ZNF516: variants seen among roughly 807,000 people sequenced by gnomAD.
ZNF516 encodes the protein zinc finger protein 516.
In ZNF516, 19 loss-of-function variants were observed where a neutral mutation model predicts 79.7. That is an observed-to-expected ratio of 0.24 (90% confidence interval 0.17 to 0.35). The LOEUF (loss-of-function observed/expected upper bound fraction) is 0.35, where lower values mean the gene tolerates loss of function less well. ZNF516 is among the 10% of genes least tolerant of loss of function. The pLI, the probability that ZNF516 is intolerant of heterozygous loss-of-function variation, is 1.00. For missense variants in ZNF516, 1,678 were observed against 1,679.5 expected (o/e 1.00, Z 0.02); for synonymous variants, 877 against 739.5 (o/e 1.19, Z -3.02).
At chr18:76,443,917 A>T (rs1170028337) in intron 2 of ZNF516, among the ~76,000 whole-genome samples, 1 of 152,178 alleles carries the variant, frequency 6.6e-6, no homozygotes, top group Non-Finnish European at 1.5e-5. Flanking sequence ...CATGGCCGCC[A>T]CCTACATGCC....
At chr18:76,485,803 C>T (rs1450347165) in intron 1 of ZNF516, among the ~76,000 whole-genome samples, 1 of 151,000 alleles carries the variant, frequency 6.6e-6, no homozygotes, top group African/African-American at 2.4e-5. Context: ...ATTCCAGGGC[C>T]GCACCACAGA....
chr18:76,441,365 A>C lies in ZNF516; in HGVS notation c.1690T>G (p.Ser564Ala), dbSNP rs1421399667. 1 of 1,611,254 alleles carries C rather than the reference A, an allele frequency of 6.2e-7. No homozygotes were observed. Among genetic ancestry groups the C allele is most frequent in the Admixed American group, 1.7e-5 (1 of 59,942 alleles). ...CCAGGGCTGCTGGGCTGGGAGGCCG[A>C]GTCACCCTCACTGAGTGATCCGCAG... is the stretch of plus-strand genomic sequence containing the variant. Reference protein sequence around the residue: ...ARCGSLSEGDSASQPSSPGSA... With the variant: ...ARCGSLSEGDAASQPSSPGSA... Residue 564 changes from serine to alanine, a missense_variant, in exon 3 of 7, where the codon TCG becomes GCG. Transcript: ENST00000443185.
Position 76,441,879 on chromosome 18 carries a change from C to G in ZNF516, c.1176G>C (p.Ser392=). The G allele has an allele frequency of 6.3e-7, 1 of 1,588,912 alleles. No individual in the cohort carries two copies. The highest frequency in any genetic ancestry group is 8.5e-7 in the Non-Finnish European group (1 of 1,173,214). The stretch of plus-strand genomic sequence containing the variant: ...TGCCAGGGCACGAGTCGCCGGCCGC[C>G]GACGGCCTCAGGTTCAGGCACTGGA... The part of the protein sequence containing the change: ...FFLQCLNLRP[S]AAGDSCPGTQ... The change falls in exon 3 of 7, where the codon TCG becomes TCC. Residue 392 remains serine, a synonymous_variant. Transcript: ENST00000443185.
intron 6 of ZNF516, among the ~76,000 whole-genome samples, chr18:76,365,161 T>C (rs1416706214): frequency 6.6e-6 from 1 of 152,258 alleles, no homozygotes; most frequent in Non-Finnish European, 1.5e-5. Context: ...TGTTTTTTCA[T>C]TTCCTGTTAT....
intron 3 of ZNF516, among the ~76,000 whole-genome samples, chr18:76,429,058 TC>T (rs2075630161): frequency 6.6e-6 from 1 of 152,046 alleles, no homozygotes; most frequent in African/African-American, 2.4e-5. Context: ...GGGCCTTGCC[TC>T]CCCCTCTCCC....
At chr18:76,460,010 G>C (rs1248607034) in intron 2 of ZNF516, among the ~76,000 whole-genome samples, 1 of 152,188 alleles carries the variant, frequency 6.6e-6, no homozygotes, top group Non-Finnish European at 1.5e-5. Flanking sequence ...ATACGCCAAG[G>C]AATGCTTCCA....
chr18:76,441,959 G>T lies in ZNF516; in HGVS notation c.1096C>A (p.Arg366Ser), dbSNP rs745591863. The T allele has an allele frequency of 1.2e-6, 2 of 1,612,150 alleles. No individual in the cohort carries two copies. Among genetic ancestry groups the T allele is most frequent in the Non-Finnish European group, 8.5e-7 (1 of 1,179,632 alleles). Residue 366 changes from arginine to serine, a missense_variant, in exon 3 of 7, where the codon CGC becomes AGC. Physicochemically the swap from Arg to Ser is moderately radical, Grantham distance 110. Around this residue, in one of 5 missense-constraint regions of ZNF516, gnomAD observed 1,294 missense variants for 1,248.3 expected, o/e 1.04. Coordinates refer to ENST00000443185, the MANE Select transcript of ZNF516 (RefSeq NM_014643.4). ...TCCGCCCCCTCCTCGGCCGGGGCGC[G>T]CGTGCGGCTGGCCTCGACTCTGCGG... The part of the protein sequence containing the change: ...IHRRVEASRT[R>S]APAEEGAEGP...
intron 3 of ZNF516, among the ~76,000 whole-genome samples, chr18:76,408,337 G>A (rs902938584): frequency 3.3e-5 from 5 of 152,192 alleles, no homozygotes; most frequent in African/African-American, 1.2e-4. Context: ...AGGCTGGTGT[G>A]GACAGCAAGC....
chr18:76,444,234 C>T (rs922764410), intron 2 of ZNF516, among the ~76,000 whole-genome samples: 9 of 152,298 alleles, frequency 5.9e-5, no homozygotes, highest in Non-Finnish European at 1.2e-4. Flanking sequence ...TCTGAGTGTT[C>T]AAGAGGGAGG....
At chr18:76,383,775 G>C (rs549885180) in intron 3 of ZNF516, among the ~76,000 whole-genome samples, 1 of 152,358 alleles carries the variant, frequency 6.6e-6, no homozygotes, top group Admixed American at 6.5e-5. Flanking sequence ...TTGGTGTACA[G>C]AGAGGCGCAG....
In ZNF516 at chr18:76,451,300, C is replaced by T. The variant is rs1357447988; in HGVS notation, c.-157-8089G>A. On this transcript the variant is annotated intron_variant, in intron 2 of 6. Transcript: ENST00000443185. The surrounding 1 kb of genome is among the most constrained non-coding windows in gnomAD (Gnocchi z 6.0). ...TCCCCGTCTGCGTCCTCTCTGACCA[C>T]CTTCCGGGGGCGGGGGGGGCACCGA... Among the ~76,000 whole-genome samples the T allele has an allele frequency of 6.6e-6, 1 of 152,196 alleles. No homozygotes were observed. The highest frequency in any genetic ancestry group is 1.5e-5 in the Non-Finnish European group (1 of 68,030).
chr18:76,440,764 GCGCA>G (rs760007581), intron 3 of ZNF516, among the ~76,000 whole-genome samples: 28 of 150,774 alleles, frequency 1.9e-4, no homozygotes, highest in African/African-American at 2.4e-4. Flanking sequence ...GTGTGTGTGC[GCGCA>G]CGCGCGCATG....
At chr18:76,404,363 A>AG (rs11447402) in intron 3 of ZNF516, among the ~76,000 whole-genome samples, 151,658 of 152,332 alleles carry the variant, frequency 1, 75,498 homozygotes, top group Middle Eastern at 1. Context: ...ACTACGTGTA[A>AG]TGTGCATGTG....
intron 1 of ZNF516, among the ~76,000 whole-genome samples, chr18:76,466,734 G>C (rs893437333): frequency 3.9e-5 from 6 of 152,238 alleles, no homozygotes; most frequent in African/African-American, 1.4e-4. Flanking sequence ...TACAGTGGGG[G>C]CTGGAAAAGT....
chr18:76,364,083 G>A (rs772633340), intron 6 of ZNF516, among the ~76,000 whole-genome samples: 2 of 152,194 alleles, frequency 1.3e-5, no homozygotes, highest in Non-Finnish European at 2.9e-5. Flanking sequence ...CGTCCATGAA[G>A]GGCTAACGTT....
At chr18:76,472,703 A>G (rs932376226) in intron 1 of ZNF516, among the ~76,000 whole-genome samples, 1 of 152,240 alleles carries the variant, frequency 6.6e-6, no homozygotes, top group Non-Finnish European at 1.5e-5. Context: ...TGGAAAGGTC[A>G]TCCGGTCAAA....
chr18:76,441,397 C>G lies in ZNF516; in HGVS notation c.1658G>C (p.Arg553Pro). Residue 553 changes from arginine (R) to proline (P), a missense_variant, in exon 3 of 7, where the codon CGG becomes CCG. This residue lies in a region of ZNF516 where 1,294 missense variants were observed against 1,248.3 expected (regional missense o/e 1.04). Coordinates refer to ENST00000443185, the MANE Select transcript of ZNF516 (RefSeq NM_014643.4). ...CTCACTGAGTGATCCGCAGCGGGCC[C>G]GCGCCGCCCTGTCCCCGTCACTGTC... ...ERDSDGDRAA[R>P]ARCGSLSEGD... The G allele has an allele frequency of 1.2e-6, 2 of 1,609,230 alleles. No individual in the cohort carries two copies. Among genetic ancestry groups the G allele is most frequent in the Non-Finnish European group, 1.7e-6 (2 of 1,178,512 alleles).
At position 76,474,849 on chromosome 18, in the gene ZNF516, CA is replaced by C. The variant is rs577881979; in HGVS notation, c.-271-11709del. ...TTTTAAAAAATCATACAATGTTTTT[CA>C]AACTCTAGGTTAATACACTTGTTAA... On this transcript the variant is annotated intron_variant, in intron 1 of 6. Coordinates refer to ENST00000443185, the MANE Select transcript of ZNF516 (RefSeq NM_014643.4). Among the ~76,000 whole-genome samples, 45 of 152,096 alleles carry C rather than the reference CA, an allele frequency of 3.0e-4. No individual in the cohort carries two copies. The South Asian group carries it at 9.1e-3, about 31-fold the overall frequency.
chr18:76,396,791 C>T (rs1483660126), intron 3 of ZNF516, among the ~76,000 whole-genome samples: 1 of 152,192 alleles, frequency 6.6e-6, no homozygotes, highest in Non-Finnish European at 1.5e-5. Flanking sequence ...AGAGGCCATT[C>T]CACTGAGAGT....
Sources: allele counts gnomAD v4.1 joint callset (sites outside exome capture counted in the v4.1 genomes callset), GRCh38; gene constraint gnomAD v4.1.1; regional missense constraint gnomAD v4.1.1; non-coding constraint Gnocchi (gnomAD v3.1); transcripts MANE v1.5; gene names NCBI Gene and HGNC (gene_info 2026-07-23, HGNC 2026-07-21).